Variants in MYH15 observed in about 807,000 individuals in gnomAD.
The protein encoded by MYH15 is myosin-15.
A neutral mutation model predicts 240.5 loss-of-function variants in MYH15; 227 were observed. That is an observed-to-expected ratio of 0.94 (90% confidence interval 0.85 to 1.05). The LOEUF (loss-of-function observed/expected upper bound fraction) is 1.05, where lower values mean the gene tolerates loss of function less well. Among genes scored for constraint, MYH15 ranks in the 50% least tolerant of loss-of-function variants. The pLI is 0.00. For synonymous variants in MYH15, 785 were observed against 796.7 expected (o/e 0.99, Z 0.25); for missense variants, 2,217 against 2,247.5 (o/e 0.99, Z 0.27).
At chr3:108,389,262 T>G (rs1350193104) in intron 37 of MYH15, among the ~76,000 whole-genome samples, 188 bp from the exon 38 acceptor site, 1 of 152,196 alleles carries the variant, frequency 6.6e-6, no homozygotes, top group South Asian at 2.1e-4. Context: ...TATGGATTCA[T>G]AAAAGAACTA....
intron 14 of MYH15, among the ~76,000 whole-genome samples, chr3:108,467,112 T>G (rs975714608): frequency 6.6e-6 from 1 of 151,932 alleles, no homozygotes; most frequent in African/African-American, 2.4e-5. Context: ...GTGTAGGCCC[T>G]CAGCACATTT....
intron 24 of MYH15, 107 bp from the exon 25 acceptor site, chr3:108,437,806 A>G: frequency 8.8e-7 from 1 of 1,142,834 alleles, no homozygotes. Context: ...CACAAGCACA[A>G]ATTCTATAAA....
chr3:108,537,329 A>G, the MYH15 span, among the ~76,000 whole-genome samples: 1 of 152,168 alleles, frequency 6.6e-6, no homozygotes, highest in African/African-American at 2.4e-5. Context: ...ATTCCTCTTT[A>G]GGCTCAATCA....
intron 14 of MYH15, among the ~76,000 whole-genome samples, chr3:108,468,844 T>C (rs1399629071): frequency 6.6e-6 from 1 of 152,172 alleles, no homozygotes. Flanking sequence ...TGAGTATATA[T>C]TATAGGTGAC....
chr3:108,485,249 T>C lies in MYH15; in HGVS notation c.976-20A>G, dbSNP rs1346082191. 6.2e-7 allele frequency: 1 copy of C among 1,613,252 alleles called. No individual in the cohort carries two copies. Among genetic ancestry groups the C allele is most frequent in the Admixed American group, 1.7e-5 (1 of 59,906 alleles). ...GGCTTGCTGTAAAAAGAGAAACAGA[T>C]GGCCCTGTCTTCATTTGCTTAATGG... On this transcript the variant is annotated intron_variant, in intron 10 of 40. Coordinates refer to ENST00000693548, the MANE Select transcript of MYH15 (RefSeq NM_014981.3).
intron 1 of MYH15, among the ~76,000 whole-genome samples, chr3:108,517,974 C>T (rs1001327947): frequency 3.3e-5 from 5 of 152,122 alleles, no homozygotes; most frequent in African/African-American, 7.2e-5. Context: ...GGAGGCATAA[C>T]GCTCTCATCT....
At chr3:108,501,159 G>A (rs1034301294) in intron 3 of MYH15, among the ~76,000 whole-genome samples, 1 of 152,172 alleles carries the variant, frequency 6.6e-6, no homozygotes, top group Non-Finnish European at 1.5e-5. Flanking sequence ...TGCATGCCAT[G>A]GCTCCTATGG....
chr3:108,534,864 G>A, the MYH15 span, among the ~76,000 whole-genome samples: 3 of 152,026 alleles, frequency 2.0e-5, no homozygotes, highest in African/African-American at 7.2e-5. Context: ...CAGGGTGAGA[G>A]TGAAACATTG....
intron 30 of MYH15, among the ~76,000 whole-genome samples, chr3:108,413,305 C>A (rs1170779670): frequency 2.6e-5 from 4 of 152,226 alleles, no homozygotes; most frequent in Non-Finnish European, 4.4e-5. Context: ...TTTTAAGTTA[C>A]TGTGGGTACA....
At chr3:108,454,657 C>T (rs1188373110) in intron 20 of MYH15, among the ~76,000 whole-genome samples, 4 of 151,986 alleles carry the variant, frequency 2.6e-5, no homozygotes, top group Admixed American at 1.3e-4. Flanking sequence ...GGCTCTTGGG[C>T]CATAGTTTGC....
intron 22 of MYH15, 31 bp from the exon 23 acceptor site, chr3:108,441,291 C>G: frequency 6.2e-7 from 1 of 1,610,770 alleles, no homozygotes; most frequent in Non-Finnish European, 8.5e-7. Flanking sequence ...TTGTTGCCAA[C>G]AGCTGGAAGT....
the MYH15 span, among the ~76,000 whole-genome samples, chr3:108,542,467 T>C: frequency 5.9e-5 from 9 of 152,328 alleles, no homozygotes; most frequent in Admixed American, 1.3e-4. Context: ...GTTGTAATAA[T>C]GTGTGCAGCC....
At chr3:108,505,958 A>C (rs1240520028) in intron 1 of MYH15, 129 bp from the exon 2 acceptor site, 2 of 550,432 alleles carry the variant, frequency 3.6e-6, no homozygotes, top group Non-Finnish European at 6.3e-6. Context: ...AGGAACTTGC[A>C]AAGTCAGATA....
Position 108,381,410 on chromosome 3 carries a change from A to G in MYH15, c.*135T>C. 3.0e-6 allele frequency: 3 copies of G among 1,005,648 alleles called. No individual in the cohort carries two copies. The highest frequency in any genetic ancestry group is 4.6e-6 in the Non-Finnish European group (3 of 645,382). 62.3% of individuals were successfully genotyped at this position (1,005,648 alleles called of 1,614,324 possible). A position where few individuals can be genotyped will look rare whatever the true frequency, so the allele number is the denominator to read the frequency against. On this transcript the variant is annotated 3_prime_UTR_variant, in exon 41 of 41. Coordinates refer to ENST00000693548, the MANE Select transcript of MYH15 (RefSeq NM_014981.3). ...GATATTCCCTTTAATTATTTTTCTA[A>G]TTGCCTTGTTTATATGGTGTGAAAA...
rs984578545 is a variant in MYH15, at chr3:108,508,459, T to A, written c.88+1984A>T. On this transcript the variant is annotated intron_variant, in intron 1 of 40. Transcript: ENST00000693548. ...CACTGGCTTTGCTGGTAAAAAGATA[T>A]AAAGCCACATGACTTCATCTCTTTT... 2.8e-4 allele frequency among the ~76,000 whole-genome samples: 43 copies of A among 152,234 alleles called. 1 individual carries two copies. Among genetic ancestry groups the A allele is most frequent in the Admixed American group, 2.6e-3 (39 of 15,280 alleles).
At chr3:108,385,512 G>A (rs2082376375) in intron 38 of MYH15, among the ~76,000 whole-genome samples, 1 of 152,078 alleles carries the variant, frequency 6.6e-6, no homozygotes, top group African/African-American at 2.4e-5. Flanking sequence ...CAGAGCCTTT[G>A]GTATTCCAGA....
intron 3 of MYH15, 101 bp downstream of exon 3, chr3:108,501,611 G>A: frequency 6.9e-7 from 1 of 1,454,908 alleles, no homozygotes. Context: ...CTATCCCTGT[G>A]CGAGCATGCT....
At chr3:108,389,956 A>G (rs1000524990) in intron 37 of MYH15, among the ~76,000 whole-genome samples, 2 of 152,156 alleles carry the variant, frequency 1.3e-5, no homozygotes, top group Non-Finnish European at 2.9e-5. Flanking sequence ...CACTGGAGCC[A>G]TTCTTCCCTC....
Position 108,450,153 on chromosome 3 carries a change from C to G in MYH15, c.2399+3853G>C, listed in dbSNP as rs888397098. On this transcript the variant is annotated intron_variant, in intron 21 of 40. Coordinates refer to ENST00000693548, the MANE Select transcript of MYH15 (RefSeq NM_014981.3). Reference sequence around the variant, plus strand: ...ATTATGGAAAACAGTATGAAGGCTCCTCAAAAAATTAAAAATGGAACTACC... The same window carrying G: ...ATTATGGAAAACAGTATGAAGGCTCGTCAAAAAATTAAAAATGGAACTACC... Among the ~76,000 whole-genome samples, 5 of 152,054 alleles carry G rather than the reference C, an allele frequency of 3.3e-5. No homozygotes were observed. In the South Asian group the frequency reaches 1.0e-3, roughly 32 times the overall value.
Sources: gnomAD v4.1 joint callset for allele counts (sites outside exome capture counted in the v4.1 genomes callset) on GRCh38, gnomAD v4.1.1 for gene constraint, MANE v1.5 for transcripts, NCBI Gene and HGNC (gene_info 2026-07-23, HGNC 2026-07-21) for gene names.